The following NUMA1 variants were observed in gnomAD, a reference collection of about 807,000 sequenced individuals.
NUMA1 encodes the protein nuclear mitotic apparatus protein 1, also known as SP-H antigen.
In NUMA1, 62 loss-of-function variants were observed where a neutral mutation model predicts 237.1. The ratio of observed to expected loss-of-function variants is 0.26; its 90% CI spans 0.21 to 0.32. The LOEUF is 0.32. Ranked by LOEUF, NUMA1 falls within the 10% of genes least tolerant of loss-of-function variation. NUMA1 has a pLI of 1.00. For missense variants in NUMA1, 2,533 were observed against 2,666.5 expected (o/e 0.95, Z 1.10); for synonymous variants, 1,028 against 1,066.1 (o/e 0.96, Z 0.70).
chr11:72,025,552 A>G (rs1939470811), intron 4 of NUMA1, among the ~76,000 whole-genome samples: 1 of 152,172 alleles, frequency 6.6e-6, no homozygotes, highest in Admixed American at 6.5e-5. Context: ...GTGAAATACC[A>G]CTTCAAGTTA....
At chr11:72,078,215 T>C (rs1219547221) in intron 1 of NUMA1, among the ~76,000 whole-genome samples, 1 of 152,220 alleles carries the variant, frequency 6.6e-6, no homozygotes, top group Non-Finnish European at 1.5e-5. Context: ...AGCTTAGAGA[T>C]GGATTGACTT....
Position 72,014,600 on chromosome 11 carries a change from T to A in NUMA1, c.2903A>T (p.Gln968Leu). Residue 968 changes from glutamine to leucine, a missense_variant, in exon 15 of 27, where the codon CAG (glutamine) becomes CTG (leucine). By Grantham distance (113) the Gln-to-Leu change is moderately radical. Transcript: ENST00000393695. The surrounding 1 kb of genome is among the most constrained non-coding windows in gnomAD (Gnocchi z 4.6). ...CTGCTCTGCCTCCCGCTCCATAGCC[T>A]GCAGCGCTGCCTGTGTGCTGCAGAA... ...RQFCSTQAAL[Q>L]AMEREAEQMG... The A allele has an allele frequency of 6.2e-7, 1 of 1,606,846 alleles. No homozygotes were observed. Among genetic ancestry groups the A allele is most frequent in the Non-Finnish European group, 8.5e-7 (1 of 1,180,002 alleles).
chr11:72,014,061 G>A lies in NUMA1; in HGVS notation c.3442C>T (p.Arg1148Cys), dbSNP rs376861788. 47 of 1,610,770 alleles carry A rather than the reference G, an allele frequency of 2.9e-5. No homozygotes were observed. Among genetic ancestry groups the A allele is most frequent in the Admixed American group, 1.8e-4 (11 of 60,024 alleles). ...GAGGCCCGCTCAGCCTCGAGGCTGCGTTCCAGGCTGTCAGCCTGCTCCTGC... is the reference window on the plus strand; with the variant it reads ...GAGGCCCGCTCAGCCTCGAGGCTGCATTCCAGGCTGTCAGCCTGCTCCTGC... Reference protein sequence around the residue: ...KQQEQADSLERSLEAERASRA... With the variant: ...KQQEQADSLECSLEAERASRA... Residue 1148 changes from arginine to cysteine, a missense_variant, in exon 15 of 27, where the codon CGC (arginine) becomes TGC (cysteine). Around this residue, in one of 3 missense-constraint regions of NUMA1, gnomAD observed 1,414 missense variants for 1,508.1 expected, o/e 0.94. Transcript: ENST00000393695. This position sits in a 1 kb window ranked among gnomAD's most constrained non-coding sequence, Gnocchi z 4.6.
intron 3 of NUMA1, among the ~76,000 whole-genome samples, chr11:72,033,724 A>C (rs1940643731): frequency 1.3e-5 from 2 of 152,172 alleles, no homozygotes; most frequent in Non-Finnish European, 2.9e-5. Flanking sequence ...GCTGCTATAA[A>C]TAAAACTAGT....
chr11:72,005,403 C>A, intron 22 of NUMA1, 34 bp from the exon 23 acceptor site: 9 of 1,594,466 alleles, frequency 5.6e-6, no homozygotes, highest in Non-Finnish European at 7.7e-6. Flanking sequence ...ACAAATGAGC[C>A]TGGAGTCGGC....
At chr11:72,049,261 T>C (rs923666245) in intron 2 of NUMA1, among the ~76,000 whole-genome samples, 3 of 152,004 alleles carry the variant, frequency 2.0e-5, no homozygotes, top group African/African-American at 7.2e-5. Flanking sequence ...GGGAATACTC[T>C]TACTGGAGAC....
chr11:72,056,992 GA>G (rs943853845), intron 2 of NUMA1, among the ~76,000 whole-genome samples: 4 of 117,650 alleles, frequency 3.4e-5, no homozygotes, highest in African/African-American at 9.5e-5. Context: ...ACAAAAATGT[GA>G]AAAAAAAATG....
At position 72,015,703 on chromosome 11, in the gene NUMA1, A is replaced by T; in HGVS notation, c.1800T>A (p.Asp600Glu). The T allele has an allele frequency of 1.2e-6, 2 of 1,614,058 alleles. No individual in the cohort carries two copies. The highest frequency in any genetic ancestry group is 1.7e-6 in the Non-Finnish European group (2 of 1,180,028). The change falls in exon 15 of 27, where the codon GAT (aspartate) becomes GAA (glutamate). Residue 600 changes from aspartate (D) to glutamate (E), a missense_variant. Asp to Glu is a conservative substitution (Grantham distance 45, BLOSUM62 2). Around this residue, in one of 3 missense-constraint regions of NUMA1, gnomAD observed 1,414 missense variants for 1,508.1 expected, o/e 0.94. Transcript: ENST00000393695. This position sits in a 1 kb window ranked among gnomAD's most constrained non-coding sequence, Gnocchi z 4.0. Reference protein sequence around the residue: ...EEREASLRERDAALKQLEALE... With the variant: ...EEREASLREREAALKQLEALE... ...GTGCCTCCAGCTGCTTGAGAGCCGC[A>T]TCCCGCTCCCTTAAGGAGGCCTCTC... is the stretch of plus-strand genomic sequence containing the variant.
At chr11:72,005,978 C>T in intron 22 of NUMA1, 57 bp downstream of exon 22, 2 of 1,388,448 alleles carry the variant, frequency 1.4e-6, no homozygotes, top group Non-Finnish European at 2.0e-6. Flanking sequence ...TTCCCTGTGC[C>T]ACGATCCACC....
intron 3 of NUMA1, among the ~76,000 whole-genome samples, chr11:72,034,219 G>A (rs979697149): frequency 6.6e-6 from 1 of 152,182 alleles, no homozygotes; most frequent in Non-Finnish European, 1.5e-5. Context: ...TGCCCAGGAA[G>A]TATTTTAAAT....
At chr11:72,077,190 G>C (rs1943748438) in intron 1 of NUMA1, among the ~76,000 whole-genome samples, 1 of 152,202 alleles carries the variant, frequency 6.6e-6, no homozygotes, top group African/African-American at 2.4e-5. Context: ...TGAGATCTGA[G>C]AGAGGTAAAG....
At chr11:72,037,399 G>A (rs1368032074) in intron 2 of NUMA1, among the ~76,000 whole-genome samples, 1 of 152,120 alleles carries the variant, frequency 6.6e-6, no homozygotes, top group Non-Finnish European at 1.5e-5. Context: ...CCAGCTACTC[G>A]GGAGGCTGAG....
chr11:72,025,705 G>A (rs1033483383), intron 4 of NUMA1, among the ~76,000 whole-genome samples: 17 of 152,174 alleles, frequency 1.1e-4, no homozygotes, highest in African/African-American at 4.1e-4. Context: ...CATCCTGCAA[G>A]CATAAGCATC....
intron 2 of NUMA1, chr11:72,049,560 A>ATATTTATATATATATATATATAT (rs59229987): frequency 2.4e-5 from 1 of 41,004 alleles, no homozygotes; most frequent in Non-Finnish European, 4.9e-5. Flanking sequence ...AAATAATAAT[A>ATATTTATATATATATATATATAT]ATATATATAT....
In NUMA1 at chr11:72,004,822, T is replaced by C. The variant is rs564352629; in HGVS notation, c.5830-6A>G. 2 of 1,561,252 alleles carry C rather than the reference T, an allele frequency of 1.3e-6. No homozygotes were observed. The highest frequency in any genetic ancestry group is 3.8e-5 in the Admixed American group (2 of 52,872). ...GTGCCCAGGCTCAGGGAAGGCTGCA[T>C]GGGTGGAAGAGGTGGTCAGTGGACC... On this transcript the variant is annotated splice_polypyrimidine_tract_variant and splice_region_variant and intron_variant, in intron 23 of 26. Transcript: ENST00000393695.
chr11:72,054,236 C>T (rs1942515300), intron 2 of NUMA1, among the ~76,000 whole-genome samples: 2 of 152,100 alleles, frequency 1.3e-5, no homozygotes, highest in Admixed American at 1.3e-4. Flanking sequence ...CAGGTCAAGG[C>T]AGGTGGATCG....
Position 72,009,077 on chromosome 11 carries a change from C to T in NUMA1, c.4948G>A (p.Ala1650Thr), listed in dbSNP as rs1055392078. ...TCATGGCCCAGCCGTTCAGCTTCAG[C>T]TCGCAGCTCTTTGTTTTCCTTCTGC... ...QLQKENKELR[A>T]EAERLGHELQ... is the part of the protein sequence containing the mutation. Residue 1650 changes from alanine to threonine, a missense_variant, in exon 19 of 27, where the codon GCT becomes ACT. Coordinates refer to ENST00000393695, the MANE Select transcript of NUMA1 (RefSeq NM_006185.4). 1 of 1,613,688 alleles carries T rather than the reference C, an allele frequency of 6.2e-7. No homozygotes were observed. Among genetic ancestry groups the T allele is most frequent in the Non-Finnish European group, 8.5e-7 (1 of 1,180,008 alleles).
At position 72,004,640 on chromosome 11, in the gene NUMA1, C is replaced by T; in HGVS notation, c.6006G>A (p.Glu2002=). The T allele has an allele frequency of 6.2e-7, 1 of 1,612,134 alleles. No homozygotes were observed. Among genetic ancestry groups the T allele is most frequent in the Non-Finnish European group, 8.5e-7 (1 of 1,179,790 alleles). ...AACACCCAGGAGCCACCGCGCCTAC[C>T]TCAGGAGTTCCAGGGCCCTGGTGGG... is the stretch of plus-strand genomic sequence containing the variant. ...LEPHQGPGTP[E]SKKATSCFPR... is the part of the protein sequence containing the mutation. The change falls in exon 24 of 27, where the codon GAG becomes GAA. Residue 2002 remains glutamate (E), a splice_region_variant and synonymous_variant. Coordinates refer to ENST00000393695, the MANE Select transcript of NUMA1 (RefSeq NM_006185.4).
At position 72,040,595 on chromosome 11, in the gene NUMA1, G is replaced by A. The variant is rs561013871; in HGVS notation, c.-32-4620C>T. ...GAACCTTTTTTCACTGCCCACCACCGTGCACACACCCACGGCCTCACGCAG... is the reference window on the plus strand; with the variant it reads ...GAACCTTTTTTCACTGCCCACCACCATGCACACACCCACGGCCTCACGCAG... On this transcript the variant is annotated intron_variant, in intron 2 of 26. Transcript: ENST00000393695. 1.1e-4 allele frequency: 16 copies of A among 152,368 alleles called. No homozygotes were observed. In the East Asian group the frequency reaches 3.1e-3, roughly 29 times the overall value. The allele number at this position is 152,368 out of a possible 1,614,324, so 9.4% of individuals were successfully genotyped here. A position where few individuals can be genotyped will look rare whatever the true frequency, so the allele number is the denominator to read the frequency against.
Sources: allele counts gnomAD v4.1 joint callset (sites outside exome capture counted in the v4.1 genomes callset), GRCh38; gene constraint gnomAD v4.1.1; regional missense constraint gnomAD v4.1.1; non-coding constraint Gnocchi (gnomAD v3.1); transcripts MANE v1.5; gene names NCBI Gene and HGNC (gene_info 2026-07-23, HGNC 2026-07-21).